ADAM17: variants seen among roughly 807,000 people sequenced by gnomAD.
ADAM17 encodes the protein ADAM metallopeptidase domain 17.
In ADAM17, 39 loss-of-function variants were observed where a neutral mutation model predicts 96.7. That is an observed-to-expected ratio of 0.40 (90% CI 0.31 to 0.53). The LOEUF is 0.53. Ranked by LOEUF, ADAM17 falls within the 20% of genes least tolerant of loss-of-function variation. The pLI, the probability that ADAM17 is intolerant of heterozygous loss-of-function variation, is 0.44. For synonymous variants in ADAM17, 344 were observed against 359.2 expected, an observed-to-expected ratio of 0.96 and a Z score of 0.48; for missense variants, 777 against 1,013.2, an observed-to-expected ratio of 0.77 and a Z score of 3.17.
At chr2:9,536,629 T>C (rs547981108) in intron 3 of ADAM17, 69 bp downstream of exon 3, 1 of 1,589,004 alleles carries the variant, frequency 6.3e-7, no homozygotes, top group Non-Finnish European at 8.6e-7. Flanking sequence ...GAAAAGAATA[T>C]GCAATCAAGT....
chr2:9,518,144 C>T lies in ADAM17; in HGVS notation c.1061G>A (p.Gly354Asp). 1.2e-6 allele frequency: 2 copies of T among 1,601,050 alleles called. No homozygotes were observed. Among genetic ancestry groups the T allele is most frequent in the Non-Finnish European group, 1.7e-6 (2 of 1,176,478 alleles). The part of the protein sequence containing the change: ...DMGTLGLAYV[G>D]SPRANSHGGV... ...TCCATGGCTGTTTGCTCTGGGAGAG[C>T]CAACATAAGCTAATCCAAGAGTTCC... The change falls in exon 9 of 19, where the codon GGC (glycine) becomes GAC (aspartate). Residue 354 changes from glycine (G) to aspartate (D), a missense_variant. This residue lies in a region of ADAM17 where 446 missense variants were observed against 664.7 expected (regional missense o/e 0.67). Transcript: ENST00000310823.
intron 1 of ADAM17, among the ~76,000 whole-genome samples, chr2:9,544,267 T>C (rs1665324239): frequency 6.6e-6 from 1 of 152,264 alleles, no homozygotes. Flanking sequence ...AGGCCATGCA[T>C]GGTGGCTCAC....
At chr2:9,545,034 A>G (rs1665355808) in intron 1 of ADAM17, among the ~76,000 whole-genome samples, 1 of 152,176 alleles carries the variant, frequency 6.6e-6, no homozygotes, top group African/African-American at 2.4e-5. Context: ...CAAGATCATA[A>G]TCACTCCTAC....
Position 9,535,940 on chromosome 2 carries a change from ATT to A in ADAM17, c.362-20_362-19del. On this transcript the variant is annotated intron_variant, in intron 3 of 18. Transcript: ENST00000310823. ...AGGCTCACCTTAAGAGAAAAAAAAA[ATT>A]ATTATTTAAAAATACTTACATCAAA... The A allele has an allele frequency of 6.2e-6, 9 of 1,443,282 alleles. No individual in the cohort carries two copies. Among genetic ancestry groups the A allele is most frequent in the Non-Finnish European group, 7.4e-6 (8 of 1,074,942 alleles). 89.4% of individuals were successfully genotyped at this position (1,443,282 alleles called of 1,614,324 possible).
At chr2:9,499,190 A>C (rs1257417247) in intron 13 of ADAM17, among the ~76,000 whole-genome samples, 1 of 144,938 alleles carries the variant, frequency 6.9e-6, no homozygotes, top group Non-Finnish European at 1.5e-5. Flanking sequence ...TCAGGAACTT[A>C]TCCTCTGCTA....
chr2:9,491,222 G>A, intron 17 of ADAM17, 71 bp from the exon 18 acceptor site: 1 of 1,396,238 alleles, frequency 7.2e-7, no homozygotes, highest in Non-Finnish European at 1.0e-6. Context: ...TTCATCACAG[G>A]CTATTCCTAA....
intron 17 of ADAM17, among the ~76,000 whole-genome samples, chr2:9,492,262 G>A (rs1662216556): frequency 6.6e-6 from 1 of 152,250 alleles, no homozygotes; most frequent in African/African-American, 2.4e-5. Flanking sequence ...ATTCCCCACA[G>A]ATGCAAGTGA....
intron 11 of ADAM17, among the ~76,000 whole-genome samples, chr2:9,508,367 C>T (rs539720500): frequency 3.3e-5 from 5 of 152,276 alleles, no homozygotes; most frequent in Admixed American, 6.5e-5. Flanking sequence ...TCTACATCCG[C>T]GCTACTTTTC....
At chr2:9,508,110 T>C (rs1165779040) in intron 11 of ADAM17, among the ~76,000 whole-genome samples, 1 of 152,136 alleles carries the variant, frequency 6.6e-6, no homozygotes, top group Non-Finnish European at 1.5e-5. Context: ...AAGTAAAACA[T>C]TTTGCTCCCA....
At position 9,489,259 on chromosome 2, in the gene ADAM17, A is replaced by ATTTTTTTTTTTTTT. The variant is rs34525911; in HGVS notation, c.*904_*917dup. The ATTTTTTTTTTTTTT allele has an allele frequency of 1.4e-3, 118 of 87,392 alleles. 11 individuals are homozygous for ATTTTTTTTTTTTTT. The highest frequency in any genetic ancestry group is 7.5e-3 in the African/African-American group (116 of 15,522). 5.4% of individuals were successfully genotyped at this position (87,392 alleles called of 1,614,324 possible). On this transcript the variant is annotated 3_prime_UTR_variant, in exon 19 of 19. Coordinates refer to ENST00000310823, the MANE Select transcript of ADAM17 (RefSeq NM_003183.6). ...AATATTCTAGGTTTGTAGATAGTGAATTTTTTTTTTTTTTTTTTTTTTTTG... is the reference window on the plus strand; with the variant it reads ...AATATTCTAGGTTTGTAGATAGTGAATTTTTTTTTTTTTTTTTTTTTTTTTTTTTTTTTTTTTTG...
intron 2 of ADAM17, among the ~76,000 whole-genome samples, chr2:9,541,519 T>C (rs1410993132): frequency 6.6e-6 from 1 of 152,106 alleles, no homozygotes; most frequent in Non-Finnish European, 1.5e-5. Context: ...GCTAAGATCG[T>C]GCCATTGCAC....
chr2:9,521,425 C>T lies in ADAM17; in HGVS notation c.844-109G>A, dbSNP rs1664304210. 4 of 728,224 alleles carry T rather than the reference C, an allele frequency of 5.5e-6. 1 individual carries two copies. In the East Asian group the frequency reaches 8.7e-5, roughly 16 times the overall value. 45.1% of individuals were successfully genotyped at this position (728,224 alleles called of 1,614,324 possible). ...AAAAAGAATCGTTCTAGAAAAAAAA[C>T]ATTTTAAAACCAAAATTCATAAATT... On this transcript the variant is annotated intron_variant, in intron 7 of 18. Transcript: ENST00000310823.
At chr2:9,527,205 C>G (rs1664563698) in intron 5 of ADAM17, among the ~76,000 whole-genome samples, 1 of 151,990 alleles carries the variant, frequency 6.6e-6, no homozygotes, top group African/African-American at 2.4e-5. Flanking sequence ...TGCCTATAAT[C>G]CAGCTACTCA....
At position 9,530,396 on chromosome 2, in the gene ADAM17, T is replaced by C. The variant is rs532099057; in HGVS notation, c.451-2442A>G. Among the ~76,000 whole-genome samples the C allele has an allele frequency of 1.4e-4, 21 of 152,358 alleles. No individual in the cohort carries two copies. The South Asian group carries it at 3.1e-3, about 23-fold the overall frequency. ...GTGCCTTGGACAAGTACCCTGAGCA[T>C]AACCTCCCTCATTAGGTAAAGTAGT... On this transcript the variant is annotated intron_variant, in intron 4 of 18. Transcript: ENST00000310823.
chr2:9,521,085 G>A, intron 8 of ADAM17, 118 bp downstream of exon 8: 1 of 718,728 alleles, frequency 1.4e-6, no homozygotes, highest in Non-Finnish European at 2.4e-6. Context: ...ATCAGCTGGA[G>A]GAGACTGCTT....
intron 4 of ADAM17, among the ~76,000 whole-genome samples, chr2:9,530,809 CA>C (rs1353679308): frequency 6.6e-6 from 1 of 151,946 alleles, no homozygotes; most frequent in African/African-American, 2.4e-5. Context: ...ATGATGTTTG[CA>C]AATGATTTTC....
intron 12 of ADAM17, 92 bp downstream of exon 12, chr2:9,505,074 T>C: frequency 7.3e-7 from 1 of 1,370,446 alleles, no homozygotes; most frequent in South Asian, 1.3e-5. Context: ...CCCCTTTCAG[T>C]TGATTCTAAA....
At chr2:9,496,584 G>A (rs1002297015) in intron 14 of ADAM17, 2 of 153,028 alleles carry the variant, frequency 1.3e-5, no homozygotes, top group Admixed American at 6.5e-5. Flanking sequence ...AAAACTGACA[G>A]GCCAGCAGGA....
chr2:9,510,611 C>G (rs1380669663), intron 10 of ADAM17, among the ~76,000 whole-genome samples: 3 of 151,004 alleles, frequency 2.0e-5, no homozygotes, highest in Non-Finnish European at 1.5e-5. Flanking sequence ...TTGCAGTGAG[C>G]TGAGATCACG....
Sources: allele counts gnomAD v4.1 joint callset (sites outside exome capture counted in the v4.1 genomes callset), GRCh38; gene constraint gnomAD v4.1.1; regional missense constraint gnomAD v4.1.1; transcripts MANE v1.5; gene names NCBI Gene and HGNC (gene_info 2026-07-23, HGNC 2026-07-21).